PAPOLG: variants seen among roughly 807,000 people sequenced by gnomAD.
The protein encoded by PAPOLG is poly(A) polymerase gamma.
A neutral mutation model predicts 99.0 loss-of-function variants in PAPOLG; 40 were observed. The observed-to-expected ratio is 0.40, with a 90% confidence interval of 0.31 to 0.53. The LOEUF is 0.53. Ranked by LOEUF, PAPOLG falls within the 20% of genes least tolerant of loss-of-function variation. The pLI, the probability that PAPOLG is intolerant of heterozygous loss-of-function variation, is 0.41. For missense variants in PAPOLG, 675 were observed against 884.1 expected, an observed-to-expected ratio of 0.76 and a Z score of 3.00; for synonymous variants, 310 against 299.3, an observed-to-expected ratio of 1.04 and a Z score of -0.37.
At chr2:60,761,882 G>C in intron 3 of PAPOLG, 75 bp downstream of exon 3, 12 of 1,050,354 alleles carry the variant, frequency 1.1e-5, no homozygotes, top group Non-Finnish European at 1.6e-5. Flanking sequence ...AGATGCAGGT[G>C]TTGAGAAGTA....
At chr2:60,784,658 T>G (rs1274019629) in intron 13 of PAPOLG, among the ~76,000 whole-genome samples, 1 of 152,214 alleles carries the variant, frequency 6.6e-6, no homozygotes, top group African/African-American at 2.4e-5. Context: ...AGTATTTTGT[T>G]TGTCTAGATC....
intron 3 of PAPOLG, 142 bp downstream of exon 3, chr2:60,761,949 C>G: frequency 1.5e-6 from 1 of 671,746 alleles, no homozygotes; most frequent in Non-Finnish European, 2.6e-6. Flanking sequence ...TTGGTCTAGA[C>G]AGTTGAATTT....
chr2:60,798,364 A>G lies in PAPOLG; in HGVS notation c.*1204A>G, dbSNP rs1671771876. On this transcript the variant is annotated 3_prime_UTR_variant, in exon 22 of 22. Coordinates refer to ENST00000238714, the MANE Select transcript of PAPOLG (RefSeq NM_022894.4). ...AAATCCATAACCATGTAATTCTTGT[A>G]ATATGTTGATTCAGTGTTTTGTAAA... 1 of 152,718 alleles carries G rather than the reference A, an allele frequency of 6.5e-6. No homozygotes were observed. The highest frequency in any genetic ancestry group is 2.4e-5 in the African/African-American group (1 of 41,428). 9.5% of individuals were successfully genotyped at this position (152,718 alleles called of 1,614,324 possible). A position where few individuals can be genotyped will look rare whatever the true frequency, so the allele number is the denominator to read the frequency against.
intron 15 of PAPOLG, chr2:60,791,413 G>T (rs762895839): frequency 1.4e-4 from 22 of 162,586 alleles, no homozygotes; most frequent in Non-Finnish European, 2.4e-4. Flanking sequence ...TTAGCTGGAC[G>T]TGGTGGCGCA....
chr2:60,774,915 G>C, intron 7 of PAPOLG, 119 bp from the exon 8 acceptor site: 1 of 1,480,768 alleles, frequency 6.8e-7, no homozygotes, highest in Non-Finnish European at 9.0e-7. Context: ...CATAAAATAA[G>C]CCCCAATGTT....
intron 3 of PAPOLG, among the ~76,000 whole-genome samples, chr2:60,766,655 A>G (rs35918171): frequency 6.6e-6 from 1 of 151,522 alleles, no homozygotes; most frequent in Non-Finnish European, 1.5e-5. Flanking sequence ...TGGGCAACAC[A>G]GTGAAACCCC....
chr2:60,773,416 G>A (rs544865360), intron 7 of PAPOLG, among the ~76,000 whole-genome samples: 6 of 152,204 alleles, frequency 3.9e-5, no homozygotes, highest in East Asian at 1.9e-4. Context: ...GGTCTTTTGC[G>A]TAAGGGTTCT....
At chr2:60,790,125 G>C (rs1671485589) in intron 15 of PAPOLG, among the ~76,000 whole-genome samples, 1 of 152,108 alleles carries the variant, frequency 6.6e-6, no homozygotes, top group Non-Finnish European at 1.5e-5. Context: ...AGATTCTTAT[G>C]TTTCACCTTA....
intron 1 of PAPOLG, among the ~76,000 whole-genome samples, chr2:60,759,246 T>C (rs1477803137): frequency 6.6e-6 from 1 of 152,046 alleles, no homozygotes; most frequent in Non-Finnish European, 1.5e-5. Flanking sequence ...CACATGCCTG[T>C]AATCCCAGCT....
Position 60,797,676 on chromosome 2 carries a change from A to G in PAPOLG, c.*516A>G, listed in dbSNP as rs1437030334. On this transcript the variant is annotated 3_prime_UTR_variant, in exon 22 of 22. Transcript: ENST00000238714. ...AACCTGAGATAAATGAATGTGAGGT[A>G]TCTTTTCTGCTTTCCTCATTTGTGT... 1.3e-5 allele frequency: 2 copies of G among 153,116 alleles called. No homozygotes were observed. Among genetic ancestry groups the G allele is most frequent in the Non-Finnish European group, 2.9e-5 (2 of 68,272 alleles). 9.5% of individuals were successfully genotyped at this position (153,116 alleles called of 1,614,324 possible). A position where few individuals can be genotyped will look rare whatever the true frequency, so the allele number is the denominator to read the frequency against.
At chr2:60,790,760 T>C (rs1671507110) in intron 15 of PAPOLG, among the ~76,000 whole-genome samples, 1 of 152,170 alleles carries the variant, frequency 6.6e-6, no homozygotes, top group Non-Finnish European at 1.5e-5. Flanking sequence ...AGGAGGAGGA[T>C]AGCTTGAATT....
At chr2:60,768,413 G>A (rs1382042125) in intron 3 of PAPOLG, 57 bp from the exon 4 acceptor site, 14 of 1,571,644 alleles carry the variant, frequency 8.9e-6, no homozygotes, top group Admixed American at 1.7e-5. Flanking sequence ...ACATTGAGGT[G>A]ACTTTTATGC....
chr2:60,779,568 A>G, intron 8 of PAPOLG, 69 bp from the exon 9 acceptor site: 1 of 1,494,176 alleles, frequency 6.7e-7, no homozygotes, highest in Non-Finnish European at 9.1e-7. Flanking sequence ...CCTTGTAAAG[A>G]GCAGAAAAAA....
At chr2:60,769,709 C>T (rs1670791674) in intron 5 of PAPOLG, among the ~76,000 whole-genome samples, 1 of 151,854 alleles carries the variant, frequency 6.6e-6, no homozygotes, top group Non-Finnish European at 1.5e-5. Flanking sequence ...AGTTTAGACT[C>T]GAAATTATAA....
At chr2:60,796,157 C>G (rs1671688948) in intron 21 of PAPOLG, among the ~76,000 whole-genome samples, 1 of 147,376 alleles carries the variant, frequency 6.8e-6, no homozygotes, top group Non-Finnish European at 1.5e-5. Context: ...ATTAAGCAGT[C>G]ATCTCTTGAC....
Position 60,798,874 on chromosome 2 carries a change from A to C in PAPOLG, c.*1714A>C, listed in dbSNP as rs1486020181. On this transcript the variant is annotated 3_prime_UTR_variant, in exon 22 of 22. Transcript: ENST00000238714. Reference sequence around the variant, plus strand: ...AAAACATGAAAAGAGTCTTAGAAGTAAAGAACAACAAGGAAAAAAATGTTT... The same window carrying C: ...AAAACATGAAAAGAGTCTTAGAAGTCAAGAACAACAAGGAAAAAAATGTTT... The C allele has an allele frequency of 6.6e-6, 1 of 152,372 alleles. No individual in the cohort carries two copies. The highest frequency in any genetic ancestry group is 2.1e-4 in the South Asian group (1 of 4,834). The allele number at this position is 152,372 out of a possible 1,614,324, so 9.4% of individuals were successfully genotyped here.
At chr2:60,769,384 C>G (rs79828242) in intron 5 of PAPOLG, among the ~76,000 whole-genome samples, 1 of 152,242 alleles carries the variant, frequency 6.6e-6, no homozygotes, top group East Asian at 1.9e-4. Context: ...ATTAGTCTTA[C>G]AGATACAATA....
chr2:60,794,480 A>G, intron 19 of PAPOLG: 1 of 570,922 alleles, frequency 1.8e-6, no homozygotes, highest in Non-Finnish European at 3.0e-6. Flanking sequence ...GGTGGTGGTA[A>G]AACTATATTT....
intron 3 of PAPOLG, among the ~76,000 whole-genome samples, chr2:60,763,590 A>G (rs1057262098): frequency 3.3e-5 from 5 of 151,888 alleles, no homozygotes; most frequent in South Asian, 4.2e-4. Flanking sequence ...AGCAGCCTCT[A>G]CCTCCCAGGT....
Sources: gnomAD v4.1 joint callset for allele counts (sites outside exome capture counted in the v4.1 genomes callset) on GRCh38, gnomAD v4.1.1 for gene constraint, MANE v1.5 for transcripts, NCBI Gene and HGNC (gene_info 2026-07-23, HGNC 2026-07-21) for gene names.